NKTR: variants seen among roughly 807,000 people sequenced by gnomAD.
NKTR encodes NK-tumor recognition protein.
NKTR carries 67 observed loss-of-function variants against 156.3 expected under a neutral mutation model. The observed-to-expected ratio is 0.43, with a 90% CI of 0.35 to 0.53. The LOEUF (loss-of-function observed/expected upper bound fraction) is 0.53, where lower values mean the gene tolerates loss of function less well. NKTR is among the 20% of genes least tolerant of loss of function. The pLI is 0.01. For missense variants in NKTR, 1,604 were observed against 1,730.9 expected (o/e 0.93, Z 1.30); for synonymous variants, 640 against 596.6 (o/e 1.07, Z -1.06).
chr3:42,635,424 G>A, intron 12 of NKTR, 58 bp downstream of exon 12: 1 of 1,347,134 alleles, frequency 7.4e-7, no homozygotes, highest in East Asian at 2.5e-5. Flanking sequence ...ATGTTAAAGG[G>A]ATTGGATACA....
chr3:42,604,477 T>G (rs1201650051), intron 2 of NKTR, among the ~76,000 whole-genome samples: 1 of 151,848 alleles, frequency 6.6e-6, no homozygotes, highest in Non-Finnish European at 1.5e-5. Context: ...GAATGTACAT[T>G]CTGCACTTGA....
At position 42,638,721 on chromosome 3, in the gene NKTR, A is replaced by C; in HGVS notation, c.3017A>C (p.Lys1006Thr). ...AAAGGGAAAAAAGACAAAAAGCATAAGGCTCCAAAACGAAAGCAAGCATTT... is the reference window on the plus strand; with the variant it reads ...AAAGGGAAAAAAGACAAAAAGCATACGGCTCCAAAACGAAAGCAAGCATTT... Reference protein sequence around the residue: ...KLKGKKDKKHKAPKRKQAFHW... With the variant: ...KLKGKKDKKHTAPKRKQAFHW... Residue 1006 changes from lysine (K) to threonine (T), a missense_variant, in exon 13 of 17, where the codon AAG becomes ACG. Coordinates refer to ENST00000232978, the MANE Select transcript of NKTR (RefSeq NM_005385.4). 2 of 1,613,998 alleles carry C rather than the reference A, an allele frequency of 1.2e-6. No homozygotes were observed. The highest frequency in any genetic ancestry group is 1.7e-6 in the Non-Finnish European group (2 of 1,180,010).
intron 5 of NKTR, chr3:42,620,464 T>A (rs1456161700): frequency 2.0e-6 from 2 of 989,418 alleles, no homozygotes; most frequent in African/African-American, 1.7e-5. Flanking sequence ...AATCTAATAT[T>A]ACTAGGTTTT....
At chr3:42,628,065 A>T (rs534510073) in intron 6 of NKTR, 6 of 985,398 alleles carry the variant, frequency 6.1e-6, no homozygotes, top group African/African-American at 1.7e-5. Context: ...CCTGCTTTAC[A>T]TTGGGATTTC....
At chr3:42,629,687 A>G in intron 6 of NKTR, 1 of 977,950 alleles carries the variant, frequency 1.0e-6, no homozygotes, top group Non-Finnish European at 1.2e-6. Context: ...TAATTCTGAG[A>G]CTAATTATCT....
chr3:42,643,982 G>A lies in NKTR; in HGVS notation c.4280G>A (p.Arg1427Lys), dbSNP rs1180931210. The part of the protein sequence containing the change: ...SQRSDSYHRG[R>K]SYNRRSRSCR... The stretch of plus-strand genomic sequence containing the variant: ...AGAAGTGACAGTTACCACCGAGGCA[G>A]AAGTTATAATCGGCGGTCCAGGTGG... Residue 1427 changes from arginine to lysine, a missense_variant, in exon 16 of 17, where the codon AGA (arginine) becomes AAA (lysine). Coordinates refer to ENST00000232978, the MANE Select transcript of NKTR (RefSeq NM_005385.4). 2.5e-6 allele frequency: 4 copies of A among 1,613,932 alleles called. No individual in the cohort carries two copies. The highest frequency in any genetic ancestry group is 1.1e-5 in the South Asian group (1 of 91,062).
At chr3:42,636,152 T>C (rs928507616) in intron 12 of NKTR, among the ~76,000 whole-genome samples, 1 of 152,182 alleles carries the variant, frequency 6.6e-6, no homozygotes, top group Non-Finnish European at 1.5e-5. Context: ...AATATACTAA[T>C]GGGACCCTGT....
intron 12 of NKTR, among the ~76,000 whole-genome samples, chr3:42,636,004 C>G (rs1028350862): frequency 1.3e-5 from 2 of 152,152 alleles, no homozygotes; most frequent in African/African-American, 4.8e-5. Flanking sequence ...ATAGGAAAAC[C>G]TGCACTCGGT....
At chr3:42,605,052 C>T (rs1187015260) in intron 2 of NKTR, among the ~76,000 whole-genome samples, 1 of 152,068 alleles carries the variant, frequency 6.6e-6, no homozygotes, top group Non-Finnish European at 1.5e-5. Flanking sequence ...TAGGTGGGTA[C>T]ATACATATTT....
chr3:42,640,808 A>G (rs1477376211), intron 13 of NKTR, among the ~76,000 whole-genome samples: 1 of 152,114 alleles, frequency 6.6e-6, no homozygotes, highest in Non-Finnish European at 1.5e-5. Context: ...TCTCCCACTC[A>G]GGCCATTTCG....
chr3:42,629,678 A>C (rs943970982), intron 6 of NKTR: 12 of 978,942 alleles, frequency 1.2e-5, no homozygotes, highest in Non-Finnish European at 3.6e-6. Flanking sequence ...TGTAGTATAT[A>C]ATTCTGAGAC....
intron 11 of NKTR, 148 bp from the exon 12 acceptor site, chr3:42,635,073 A>AG (rs1709263851): frequency 2.0e-6 from 1 of 488,454 alleles, no homozygotes; most frequent in East Asian, 3.6e-5. Context: ...AAAAAAAAAA[A>AG]AAAAAGAACT....
intron 2 of NKTR, among the ~76,000 whole-genome samples, chr3:42,608,702 C>G (rs1466487250): frequency 6.6e-6 from 1 of 152,184 alleles, no homozygotes; most frequent in Non-Finnish European, 1.5e-5. Flanking sequence ...AGTTACAGAC[C>G]TCTAACCAAG....
chr3:42,618,463 G>A (rs576776652), intron 3 of NKTR, among the ~76,000 whole-genome samples: 2 of 152,066 alleles, frequency 1.3e-5, no homozygotes, highest in South Asian at 2.1e-4. Flanking sequence ...TATTTGGGAC[G>A]GAGTCTGACT....
Position 42,646,042 on chromosome 3 carries a change from A to T in NKTR, c.*67A>T. 8.7e-7 allele frequency: 1 copy of T among 1,152,746 alleles called. No individual in the cohort carries two copies. The highest frequency in any genetic ancestry group is 1.3e-6 in the Non-Finnish European group (1 of 776,144). 71.4% of individuals were successfully genotyped at this position (1,152,746 alleles called of 1,614,324 possible). On this transcript the variant is annotated 3_prime_UTR_variant, in exon 17 of 17. Transcript: ENST00000232978. The stretch of plus-strand genomic sequence containing the variant: ...GCAACTTAGCTTAAGAAATGTAATG[A>T]CAGTCTGTTGTTCTATTTCAATATC...
intron 8 of NKTR, 26 bp downstream of exon 8, chr3:42,631,342 A>C (rs1247053936): frequency 1.2e-6 from 2 of 1,610,032 alleles, no homozygotes; most frequent in South Asian, 2.2e-5. Flanking sequence ...ACAGTAGATG[A>C]AGCTAAGATG....
Position 42,631,261 on chromosome 3 carries a change from T to C in NKTR, c.495T>C (p.Tyr165=). 1 of 1,614,062 alleles carries C rather than the reference T, an allele frequency of 6.2e-7. No individual in the cohort carries two copies. The highest frequency in any genetic ancestry group is 8.5e-7 in the Non-Finnish European group (1 of 1,179,976). Residue 165 remains tyrosine, a synonymous_variant, in exon 8 of 17, where the codon TAT becomes TAC. Coordinates refer to ENST00000232978, the MANE Select transcript of NKTR (RefSeq NM_005385.4). The part of the protein sequence containing the change: ...NLKTDAASRP[Y]ADVRVIDCGV... The stretch of plus-strand genomic sequence containing the variant: ...AGACCGATGCTGCAAGCAGACCATA[T>C]GCAGATGTGCGAGTTATTGACTGTG...
chr3:42,612,835 G>C (rs1251944465), intron 2 of NKTR, among the ~76,000 whole-genome samples: 1 of 151,786 alleles, frequency 6.6e-6, no homozygotes, highest in African/African-American at 2.4e-5. Context: ...ATACTAGGAG[G>C]CTTTTTTTTC....
In NKTR at chr3:42,638,827, G is replaced by A. The variant is rs1709646070; in HGVS notation, c.3123G>A (p.Glu1041=). Residue 1041 remains glutamate, a synonymous_variant, in exon 13 of 17, where the codon GAG becomes GAA. Transcript: ENST00000232978. ...DDKQVTQESK[E]KKVSENNETI... is the part of the protein sequence containing the mutation. ...AGCAAGTTACTCAGGAATCAAAAGAGAAAAAAGTTTCTGAAAACAATGAAA... is the reference window on the plus strand; with the variant it reads ...AGCAAGTTACTCAGGAATCAAAAGAAAAAAAAGTTTCTGAAAACAATGAAA... 1.2e-6 allele frequency: 2 copies of A among 1,601,298 alleles called. No individual in the cohort carries two copies. The highest frequency in any genetic ancestry group is 1.7e-6 in the Non-Finnish European group (2 of 1,176,856).
Sources: gnomAD v4.1 joint callset for allele counts (sites outside exome capture counted in the v4.1 genomes callset) on GRCh38, gnomAD v4.1.1 for gene constraint, MANE v1.5 for transcripts, NCBI Gene and HGNC (gene_info 2026-07-23, HGNC 2026-07-21) for gene names.